Variants in FSTL4 observed in about 807,000 individuals in gnomAD.
FSTL4 encodes the protein follistatin like 4.
Under a neutral mutation model 78.2 loss-of-function variants are expected in FSTL4, and 28 were observed. The observed-to-expected ratio is 0.36, with a 90% CI of 0.27 to 0.49. The LOEUF (loss-of-function observed/expected upper bound fraction) is 0.49. Among genes scored for constraint, FSTL4 ranks in the 20% least tolerant of loss-of-function variants. The probability of loss-of-function intolerance (pLI) is 0.98; values close to 1 mark genes in which losing one functional copy is unlikely to be tolerated. For synonymous variants in FSTL4, 422 were observed against 440.5 expected, an observed-to-expected ratio of 0.96 and a Z score of 0.53; for missense variants, 922 against 1,084.9, an observed-to-expected ratio of 0.85 and a Z score of 2.11.
At chr5:133,250,231 T>A (rs1394421307) in intron 6 of FSTL4, among the ~76,000 whole-genome samples, 1 of 152,272 alleles carries the variant, frequency 6.6e-6, no homozygotes, top group Non-Finnish European at 1.5e-5. Flanking sequence ...TTAGGACTGA[T>A]CATTCTTCAG....
chr5:133,659,525 A>G, the FSTL4 span, among the ~76,000 whole-genome samples: 12 of 151,906 alleles, frequency 7.9e-5, no homozygotes, highest in Non-Finnish European at 1.2e-4. Context: ...ATTCACTTAG[A>G]GAGTCATTAT....
At chr5:133,777,504 T>C in the FSTL4 span, among the ~76,000 whole-genome samples, 1 of 152,238 alleles carries the variant, frequency 6.6e-6, no homozygotes, top group Admixed American at 6.5e-5. Context: ...ATTCAAACTG[T>C]AGTTATGAAA....
At chr5:133,728,458 T>C in the FSTL4 span, among the ~76,000 whole-genome samples, 1 of 152,136 alleles carries the variant, frequency 6.6e-6, no homozygotes, top group African/African-American at 2.4e-5. Context: ...GGAAACTAGG[T>C]GCTGGGGGTA....
chr5:133,383,463 G>A (rs968190438), intron 4 of FSTL4, among the ~76,000 whole-genome samples: 1 of 152,144 alleles, frequency 6.6e-6, no homozygotes, highest in East Asian at 1.9e-4. Context: ...TCAGGCAAAG[G>A]TACTTGTCAA....
the FSTL4 span, among the ~76,000 whole-genome samples, chr5:133,779,587 A>T: frequency 6.6e-6 from 1 of 152,084 alleles, no homozygotes; most frequent in South Asian, 2.1e-4. Context: ...CTCCATCTCA[A>T]AAAACAAAAC....
At chr5:133,788,412 G>T in the FSTL4 span, among the ~76,000 whole-genome samples, 1 of 152,336 alleles carries the variant, frequency 6.6e-6, no homozygotes. Flanking sequence ...GCAAGGTGAG[G>T]CTCACACGAG....
intron 6 of FSTL4, among the ~76,000 whole-genome samples, chr5:133,298,862 AG>A (rs1375920407): frequency 8.1e-6 from 1 of 123,974 alleles, no homozygotes; most frequent in East Asian, 2.1e-4. Flanking sequence ...GGAGACCAGG[AG>A]GCCAGTCCCT....
chr5:133,386,628 G>GAGA (rs1261936268), intron 4 of FSTL4, among the ~76,000 whole-genome samples: 1 of 152,120 alleles, frequency 6.6e-6, no homozygotes, highest in African/African-American at 2.4e-5. Context: ...AAATTGCTAG[G>GAGA]AGAATGTTTA....
the FSTL4 span, among the ~76,000 whole-genome samples, chr5:133,725,431 T>A: frequency 2.0e-5 from 3 of 152,232 alleles, no homozygotes; most frequent in Non-Finnish European, 2.9e-5. Context: ...TACACAGAGA[T>A]GTGTTCTCCA....
At chr5:133,514,666 T>C (rs555822456) in intron 3 of FSTL4, among the ~76,000 whole-genome samples, 1 of 152,054 alleles carries the variant, frequency 6.6e-6, no homozygotes, top group East Asian at 1.9e-4. Flanking sequence ...GAAGAAAAAA[T>C]GGTAAGAAAT....
At chr5:133,250,537 G>A (rs1240632486) in intron 6 of FSTL4, among the ~76,000 whole-genome samples, 2 of 152,214 alleles carry the variant, frequency 1.3e-5, no homozygotes, top group African/African-American at 4.8e-5. Flanking sequence ...CGACTCTATT[G>A]GGACCTGGGG....
At chr5:133,651,193 T>A in the FSTL4 span, among the ~76,000 whole-genome samples, 166 of 152,320 alleles carry the variant, frequency 1.1e-3, no homozygotes, top group Non-Finnish European at 1.9e-3. Context: ...AAAAATAGTT[T>A]CATTTCTTTC....
chr5:133,777,146 T>G, the FSTL4 span, among the ~76,000 whole-genome samples: 1 of 152,140 alleles, frequency 6.6e-6, no homozygotes. Flanking sequence ...GATATCACTT[T>G]TAAAATGAGA....
the FSTL4 span, among the ~76,000 whole-genome samples, chr5:133,811,939 G>A: frequency 6.6e-6 from 1 of 152,148 alleles, no homozygotes; most frequent in Non-Finnish European, 1.5e-5. Flanking sequence ...AGCTCAACAT[G>A]TCTGAAACTG....
intron 4 of FSTL4, among the ~76,000 whole-genome samples, chr5:133,323,570 G>C (rs1754125700): frequency 6.6e-6 from 1 of 152,216 alleles, no homozygotes; most frequent in Non-Finnish European, 1.5e-5. Flanking sequence ...GGGGAGAGAG[G>C]CTGCATGTCC....
chr5:133,323,314 T>A (rs1754118964), intron 4 of FSTL4, among the ~76,000 whole-genome samples: 1 of 152,124 alleles, frequency 6.6e-6, no homozygotes, highest in Non-Finnish European at 1.5e-5. Flanking sequence ...CCTTCCAGGG[T>A]CATAGCATAC....
the FSTL4 span, among the ~76,000 whole-genome samples, chr5:133,752,436 G>T: frequency 6.6e-6 from 1 of 152,146 alleles, no homozygotes; most frequent in East Asian, 1.9e-4. Context: ...GGCCAACATG[G>T]TGAAACCCCG....
chr5:133,767,209 GAAA>G, the FSTL4 span, among the ~76,000 whole-genome samples: 1 of 152,156 alleles, frequency 6.6e-6, no homozygotes. Context: ...CCACCCGAGG[GAAA>G]GGAAGCTGTA....
At chr5:133,252,739 G>C (rs1249752059) in intron 6 of FSTL4, among the ~76,000 whole-genome samples, 1 of 152,096 alleles carries the variant, frequency 6.6e-6, no homozygotes, top group Admixed American at 6.5e-5. Flanking sequence ...CCTCCATGTG[G>C]CCCCAAAGTC....
Sources: gnomAD v4.1 joint callset for allele counts (sites outside exome capture counted in the v4.1 genomes callset) on GRCh38, gnomAD v4.1.1 for gene constraint, MANE v1.5 for transcripts, NCBI Gene and HGNC (gene_info 2026-07-23, HGNC 2026-07-21) for gene names.